The following DDX46 variants were observed in gnomAD, a reference collection of about 807,000 sequenced individuals.
DDX46 encodes probable ATP-dependent RNA helicase DDX46.
A neutral mutation model predicts 134.9 loss-of-function variants in DDX46; 30 were observed. The ratio of observed to expected loss-of-function variants is 0.22; its 90% confidence interval spans 0.17 to 0.30. The LOEUF (loss-of-function observed/expected upper bound fraction) is 0.30, where lower values mean the gene tolerates loss of function less well. Ranked by LOEUF, DDX46 falls within the 10% of genes least tolerant of loss-of-function variation. The probability of loss-of-function intolerance (pLI) is 1.00; values close to 1 mark genes in which losing one functional copy is unlikely to be tolerated. For synonymous variants in DDX46, 415 were observed against 404.1 expected (o/e 1.03, Z -0.32); for missense variants, 622 against 1,248.7 (o/e 0.50, Z 7.56).
intron 21 of DDX46, among the ~76,000 whole-genome samples, chr5:134,824,394 C>T (rs1233174057): frequency 1.3e-5 from 2 of 152,118 alleles, no homozygotes; most frequent in African/African-American, 4.8e-5. Flanking sequence ...AGTTTGAGAC[C>T]AGCCTGGCCA....
chr5:134,776,289 C>A (rs765553105), intron 5 of DDX46, among the ~76,000 whole-genome samples: 5 of 151,704 alleles, frequency 3.3e-5, no homozygotes, highest in Non-Finnish European at 5.9e-5. Context: ...ACTCGGGAGG[C>A]TGAGGCAGAA....
rs764397173 is a variant in DDX46 at position 134,830,584 on chromosome 5, G to A, written c.*1878G>A. The A allele has an allele frequency of 6.6e-6, 1 of 152,208 alleles. No homozygotes were observed. Among genetic ancestry groups the A allele is most frequent in the African/African-American group, 2.4e-5 (1 of 41,442 alleles). The allele number at this position is 152,208 out of a possible 1,614,324, so 9.4% of individuals were successfully genotyped here. A position where few individuals can be genotyped will look rare whatever the true frequency, so the allele number is the denominator to read the frequency against. ...TATTCAGTGGCTGAAGTGATAGGGAGTATTAATCATTATTTCTTCAGTATA... is the reference window on the plus strand; with the variant it reads ...TATTCAGTGGCTGAAGTGATAGGGAATATTAATCATTATTTCTTCAGTATA... On this transcript the variant is annotated 3_prime_UTR_variant, in exon 23 of 23. Coordinates refer to ENST00000452510, the MANE Select transcript of DDX46 (RefSeq NM_001300860.2).
chr5:134,828,801 A>T lies in DDX46; in HGVS notation c.*95A>T, dbSNP rs1174883438. On this transcript the variant is annotated 3_prime_UTR_variant, in exon 23 of 23. Coordinates refer to ENST00000452510, the MANE Select transcript of DDX46 (RefSeq NM_001300860.2). ...AATGTATTGTAAATGAAGATTTTTT[A>T]AATTCTATCTTGCTGATTTTTTTTA... 17 of 959,298 alleles carry T rather than the reference A, an allele frequency of 1.8e-5. No homozygotes were observed. Among genetic ancestry groups the T allele is most frequent in the Non-Finnish European group, 2.3e-5 (16 of 701,492 alleles). 59.4% of individuals were successfully genotyped at this position (959,298 alleles called of 1,614,324 possible).
chr5:134,817,778 T>G, intron 20 of DDX46, 64 bp downstream of exon 20: 1 of 1,393,178 alleles, frequency 7.2e-7, no homozygotes, highest in East Asian at 2.4e-5. Context: ...AGGAAAAATC[T>G]CATCTTTAAA....
intron 22 of DDX46, among the ~76,000 whole-genome samples, chr5:134,828,443 C>T (rs1473545415): frequency 6.6e-6 from 1 of 152,098 alleles, no homozygotes; most frequent in Non-Finnish European, 1.5e-5. Context: ...GTTGAGTGAA[C>T]AGAGAATTCA....
intron 15 of DDX46, among the ~76,000 whole-genome samples, chr5:134,802,592 C>G (rs1259328902): frequency 6.7e-6 from 1 of 150,036 alleles, no homozygotes; most frequent in Non-Finnish European, 1.5e-5. Context: ...TCTAAAATTA[C>G]AAATATGTTC....
At chr5:134,797,418 C>T (rs1470853400) in intron 15 of DDX46, among the ~76,000 whole-genome samples, 1 of 152,194 alleles carries the variant, frequency 6.6e-6, no homozygotes, top group African/African-American at 2.4e-5. Flanking sequence ...TACCAATCTA[C>T]CTCACTTTAT....
intron 5 of DDX46, among the ~76,000 whole-genome samples, chr5:134,776,326 G>A (rs1753935315): frequency 6.6e-6 from 1 of 151,826 alleles, no homozygotes; most frequent in Non-Finnish European, 1.5e-5. Flanking sequence ...GGAGGTGAAG[G>A]TTGCCGTCAG....
At chr5:134,775,744 G>A (rs1246062899) in intron 5 of DDX46, among the ~76,000 whole-genome samples, 3 of 152,070 alleles carry the variant, frequency 2.0e-5, no homozygotes, top group Non-Finnish European at 2.9e-5. Context: ...CACCTGCCTC[G>A]GCCTCCCAAA....
rs1414544034 is a variant in DDX46, at chr5:134,766,930, A to G, written c.220A>G (p.Arg74Gly). 6.2e-7 allele frequency: 1 copy of G among 1,609,412 alleles called. No homozygotes were observed. The highest frequency in any genetic ancestry group is 8.5e-7 in the Non-Finnish European group (1 of 1,177,866). Reference sequence around the variant, plus strand: ...TCCCCCTTTCAGACGTTCCAGAAGTAGAGAGAGAGACAGAAGCCGAGAGCG... The same window carrying G: ...TCCCCCTTTCAGACGTTCCAGAAGTGGAGAGAGAGACAGAAGCCGAGAGCG... ...DRKRLRRSRS[R>G]ERDRSRERRR... The change falls in exon 3 of 23, where the codon AGA becomes GGA. Residue 74 changes from arginine (R) to glycine (G), a missense_variant. Arg to Gly is a moderately radical substitution (Grantham distance 125). Transcript: ENST00000452510.
At chr5:134,778,602 C>T (rs2150138291) in intron 6 of DDX46, among the ~76,000 whole-genome samples, 1 of 152,098 alleles carries the variant, frequency 6.6e-6, no homozygotes, top group South Asian at 2.1e-4. Context: ...GAGACAGAGT[C>T]TCGCTCTATT....
intron 15 of DDX46, among the ~76,000 whole-genome samples, chr5:134,802,376 G>A (rs1754857523): frequency 6.6e-6 from 1 of 151,644 alleles, no homozygotes; most frequent in Non-Finnish European, 1.5e-5. Context: ...TGGTCAGGCT[G>A]GTCTCGAATT....
intron 2 of DDX46, among the ~76,000 whole-genome samples, chr5:134,764,587 A>G (rs1031894696): frequency 9.2e-5 from 14 of 152,138 alleles, no homozygotes; most frequent in African/African-American, 2.9e-4. Flanking sequence ...CCGACCATCA[A>G]ACAGTGTTTT....
At chr5:134,762,880 C>T (rs985293633) in intron 1 of DDX46, among the ~76,000 whole-genome samples, 33 of 152,094 alleles carry the variant, frequency 2.2e-4, no homozygotes, top group Non-Finnish European at 4.3e-4. Context: ...CATGGTGAAA[C>T]CCCATCTCTT....
intron 22 of DDX46, among the ~76,000 whole-genome samples, chr5:134,827,770 A>C (rs1755629847): frequency 6.6e-6 from 1 of 152,054 alleles, no homozygotes; most frequent in Non-Finnish European, 1.5e-5. Context: ...CAATTAATTT[A>C]TATTTATATA....
chr5:134,802,462 C>T (rs1754860798), intron 15 of DDX46, among the ~76,000 whole-genome samples: 1 of 151,016 alleles, frequency 6.6e-6, no homozygotes. Context: ...GTGTTTGGCC[C>T]TGATAATTTC....
intron 18 of DDX46, among the ~76,000 whole-genome samples, chr5:134,812,937 C>T (rs1326758873): frequency 6.6e-6 from 1 of 151,844 alleles, no homozygotes; most frequent in Non-Finnish European, 1.5e-5. Context: ...TGTGCCTGGC[C>T]AATAAAGTCA....
intron 21 of DDX46, among the ~76,000 whole-genome samples, chr5:134,819,262 G>T (rs1250555889): frequency 6.6e-6 from 1 of 152,166 alleles, no homozygotes; most frequent in Non-Finnish European, 1.5e-5. Context: ...ACATTTTAAG[G>T]ACTGACCTGT....
intron 10 of DDX46, 22 bp from the exon 11 acceptor site, chr5:134,785,443 A>G: frequency 6.2e-7 from 1 of 1,609,052 alleles, no homozygotes; most frequent in South Asian, 1.1e-5. Flanking sequence ...TGGTTAGGCT[A>G]CTGATGTATT....
Sources: gnomAD v4.1 joint callset for allele counts (sites outside exome capture counted in the v4.1 genomes callset) on GRCh38, gnomAD v4.1.1 for gene constraint, MANE v1.5 for transcripts, NCBI Gene and HGNC (gene_info 2026-07-23, HGNC 2026-07-21) for gene names.